Variants in TSPAN9 observed in about 807,000 individuals in gnomAD.
TSPAN9 encodes the protein tetraspanin 9.
Under a neutral mutation model 31.0 loss-of-function variants are expected in TSPAN9, and 16 were observed. The observed-to-expected ratio is 0.52, with a 90% CI of 0.35 to 0.78. The LOEUF (loss-of-function observed/expected upper bound fraction) is 0.78. Ranked by LOEUF, TSPAN9 falls within the 30% of genes least tolerant of loss-of-function variation. The pLI is 0.01. For synonymous variants in TSPAN9, 145 were observed against 121.6 expected (o/e 1.19, Z -1.27); for missense variants, 272 against 312.5 (o/e 0.87, Z 0.98).
chr12:3,272,122 CA>C (rs1249263964), intron 3 of TSPAN9, among the ~76,000 whole-genome samples: 1 of 152,128 alleles, frequency 6.6e-6, no homozygotes. Context: ...ATGAGGGTGT[CA>C]GGGGGGCCAG....
At chr12:3,185,167 G>T (rs1463786483) in intron 2 of TSPAN9, among the ~76,000 whole-genome samples, 2 of 152,176 alleles carry the variant, frequency 1.3e-5, no homozygotes, top group African/African-American at 4.8e-5. Flanking sequence ...ATTGAGTGTG[G>T]CTGTGTGCCT....
chr12:3,159,928 C>T (rs1406860058), intron 2 of TSPAN9, among the ~76,000 whole-genome samples: 1 of 152,194 alleles, frequency 6.6e-6, no homozygotes, highest in Admixed American at 6.5e-5. Flanking sequence ...TTGGTTATGG[C>T]AGTCCTAGCA....
chr12:3,167,416 T>C (rs1479876286), intron 2 of TSPAN9, among the ~76,000 whole-genome samples: 1 of 152,170 alleles, frequency 6.6e-6, no homozygotes, highest in African/African-American at 2.4e-5. Flanking sequence ...ACATATAACT[T>C]GAGTGCAGTA....
In TSPAN9 at chr12:3,217,794, G is replaced by A. The variant is rs527770436; in HGVS notation, c.63+16538G>A. Among the ~76,000 whole-genome samples, 229 of 151,554 alleles carry A rather than the reference G, an allele frequency of 1.5e-3. 2 individuals are homozygous for A. The highest frequency in any genetic ancestry group is 5.2e-3 in the African/African-American group (215 of 41,302). On this transcript the variant is annotated intron_variant, in intron 3 of 8. Coordinates refer to ENST00000011898, the MANE Select transcript of TSPAN9 (RefSeq NM_006675.5). ...TCTAGCCTGGTCTGGAAAGTGAGAC[G>A]TAATATGGGGAAGACAGCACGTGCT...
At position 3,147,776 on chromosome 12, in the gene TSPAN9, G is replaced by A. The variant is rs769920229; in HGVS notation, c.-17-53401G>A. Among the ~76,000 whole-genome samples, 8 of 152,212 alleles carry A rather than the reference G, an allele frequency of 5.3e-5. No individual in the cohort carries two copies. The highest frequency in any genetic ancestry group is 1.0e-4 in the Non-Finnish European group (7 of 68,046). ...TGCCACGTCGGACGGTACTGTTCTA[G>A]ACCAGTAGTTTTCACCTGCAGTGTT... is the stretch of plus-strand genomic sequence containing the variant. On this transcript the variant is annotated intron_variant, in intron 2 of 8. Transcript: ENST00000011898. This position sits in a 1 kb window ranked among gnomAD's most constrained non-coding sequence, Gnocchi z 4.3.
chr12:3,171,429 G>C (rs1362861658), intron 2 of TSPAN9, among the ~76,000 whole-genome samples: 3 of 152,050 alleles, frequency 2.0e-5, no homozygotes, highest in African/African-American at 7.2e-5. Flanking sequence ...CATAATGCCA[G>C]CCCCAACCTT....
At chr12:3,084,501 A>G (rs2098299444) in intron 2 of TSPAN9, among the ~76,000 whole-genome samples, 1 of 152,094 alleles carries the variant, frequency 6.6e-6, no homozygotes, top group Non-Finnish European at 1.5e-5. Context: ...CATCTTGCCA[A>G]AGATTCTCTT....
At chr12:3,137,455 C>T (rs571407229) in intron 2 of TSPAN9, among the ~76,000 whole-genome samples, 28 of 152,332 alleles carry the variant, frequency 1.8e-4, no homozygotes, top group African/African-American at 3.8e-4. Context: ...TCACATCCTG[C>T]GGGTTTTTCC....
At chr12:3,201,810 C>T (rs1262083533) in intron 3 of TSPAN9, among the ~76,000 whole-genome samples, 5 of 152,218 alleles carry the variant, frequency 3.3e-5, no homozygotes, top group African/African-American at 4.8e-5. Flanking sequence ...TGGCTCAAGC[C>T]GATGGACCTG....
chr12:3,266,507 C>T (rs556614340), intron 3 of TSPAN9, among the ~76,000 whole-genome samples: 1 of 152,318 alleles, frequency 6.6e-6, no homozygotes, highest in East Asian at 1.9e-4. Flanking sequence ...GCTCCGTGAC[C>T]TGGGACACGT....
At chr12:3,279,174 G>A in intron 5 of TSPAN9, 108 bp downstream of exon 5, 1 of 986,228 alleles carries the variant, frequency 1.0e-6, no homozygotes, top group Non-Finnish European at 1.6e-6. Context: ...CTGGCAAGCA[G>A]CACCTGTGCA....
chr12:3,079,771 ATTT>A (rs34675914), intron 1 of TSPAN9, among the ~76,000 whole-genome samples: 2 of 129,680 alleles, frequency 1.5e-5, no homozygotes. Context: ...CCCTTCTTCT[ATTT>A]TTTTTTTTTT....
chr12:3,157,685 A>G (rs1217673133), intron 2 of TSPAN9, among the ~76,000 whole-genome samples: 1 of 152,202 alleles, frequency 6.6e-6, no homozygotes, highest in African/African-American at 2.4e-5. Context: ...TGGAGGTCAC[A>G]AGGGAAACAG....
At position 3,280,029 on chromosome 12, in the gene TSPAN9, G is replaced by T. The variant is rs1324285386; in HGVS notation, c.331-353G>T. Among the ~76,000 whole-genome samples, 3 of 152,064 alleles carry T rather than the reference G, an allele frequency of 2.0e-5. No individual in the cohort carries two copies. The highest frequency in any genetic ancestry group is 6.5e-5 in the Admixed American group (1 of 15,268). On this transcript the variant is annotated intron_variant, in intron 5 of 8. Coordinates refer to ENST00000011898, the MANE Select transcript of TSPAN9 (RefSeq NM_006675.5). The surrounding 1 kb of genome is among the most constrained non-coding windows in gnomAD (Gnocchi z 4.5). ...GGAAGCTGTGTAGTGGGGGGCGGGG[G>T]TGGCAGAGTGGCCTGTGTGTGTGGC... is the stretch of plus-strand genomic sequence containing the variant.
At chr12:3,138,000 G>A (rs539081093) in intron 2 of TSPAN9, among the ~76,000 whole-genome samples, 70 of 152,230 alleles carry the variant, frequency 4.6e-4, no homozygotes, top group African/African-American at 1.6e-3. Context: ...TCTGGGTCCC[G>A]CTGTCCCCCT....
chr12:3,253,044 T>C (rs1862280744), intron 3 of TSPAN9, among the ~76,000 whole-genome samples: 1 of 152,066 alleles, frequency 6.6e-6, no homozygotes, highest in Non-Finnish European at 1.5e-5. Flanking sequence ...CTGTTTACTC[T>C]CTCCCACCTG....
chr12:3,195,439 TAAAAG>T lies in TSPAN9; in HGVS notation c.-17-5732_-17-5728del, dbSNP rs555511779. Among the ~76,000 whole-genome samples, 467 of 151,982 alleles carry T rather than the reference TAAAAG, an allele frequency of 3.1e-3. 9 individuals are homozygous for T. The highest frequency in any genetic ancestry group is 0.027 in the Admixed American group (408 of 15,280). ...TTCACTTTTTTTGTTAAAAAAAAAA[TAAAAG>T]AAAAGTGAAGTCAGGCTGCCTTGTT... On this transcript the variant is annotated intron_variant, in intron 2 of 8. Coordinates refer to ENST00000011898, the MANE Select transcript of TSPAN9 (RefSeq NM_006675.5).
chr12:3,161,772 AATCTATCTATCTATCTATCT>A (rs79768137), intron 2 of TSPAN9, among the ~76,000 whole-genome samples: 50 of 150,350 alleles, frequency 3.3e-4, no homozygotes, highest in Admixed American at 9.3e-4. Flanking sequence ...CTTGGGTTGA[AATCTATCTATCTATCTATCT>A]ATCTATCTAT....
chr12:3,098,525 G>A (rs986617128), intron 2 of TSPAN9, among the ~76,000 whole-genome samples: 1 of 152,174 alleles, frequency 6.6e-6, no homozygotes, highest in Non-Finnish European at 1.5e-5. Context: ...AGGGAGGGCT[G>A]AGTGACTGCC....
Sources: gnomAD v4.1 joint callset for allele counts (sites outside exome capture counted in the v4.1 genomes callset) on GRCh38, gnomAD v4.1.1 for gene constraint, Gnocchi (gnomAD v3.1) non-coding constraint, MANE v1.5 for transcripts, NCBI Gene and HGNC (gene_info 2026-07-23, HGNC 2026-07-21) for gene names.